LARP7: variants seen among roughly 807,000 people sequenced by gnomAD.
LARP7 encodes the protein La ribonucleoprotein 7, transcriptional regulator, also known as la-related protein 7.
LARP7 carries 52 observed loss-of-function variants against 69.3 expected under a neutral mutation model. The ratio of observed to expected loss-of-function variants is 0.75; its 90% CI spans 0.60 to 0.95. The LOEUF is 0.95. Ranked by LOEUF, LARP7 falls within the 40% of genes least tolerant of loss-of-function variation. The pLI, the probability that LARP7 is intolerant of heterozygous loss-of-function variation, is 0.00. For missense variants in LARP7, 733 were observed against 673.0 expected, an observed-to-expected ratio of 1.09 and a Z score of -0.99; for synonymous variants, 254 against 215.9, an observed-to-expected ratio of 1.18 and a Z score of -1.55.
chr4:112,654,051 C>A lies in LARP7; in HGVS notation c.1577-17C>A, dbSNP rs1560952116. On this transcript the variant is annotated splice_polypyrimidine_tract_variant and intron_variant, in intron 11 of 12. Coordinates refer to ENST00000344442, the MANE Select transcript of LARP7 (RefSeq NM_016648.4). ...TGTTCTTCTTTTCATCCATCAGAGT[C>A]TTTGTTTGTTTTTAAGGTGATCACG... 1 of 1,586,696 alleles carries A rather than the reference C, an allele frequency of 6.3e-7. No individual in the cohort carries two copies. Among genetic ancestry groups the A allele is most frequent in the Non-Finnish European group, 8.6e-7 (1 of 1,156,242 alleles).
At chr4:112,650,036 T>C (rs2048644912) in intron 9 of LARP7, 1 of 187,420 alleles carries the variant, frequency 5.3e-6, no homozygotes, top group Non-Finnish European at 1.1e-5. Context: ...AGGAACAAGT[T>C]AAAGCAGAAT....
chr4:112,640,095 C>T (rs888673749), intron 1 of LARP7, among the ~76,000 whole-genome samples: 2 of 152,090 alleles, frequency 1.3e-5, no homozygotes, highest in African/African-American at 2.4e-5. Flanking sequence ...TGGGCCACCA[C>T]ACCCAGATAA....
In LARP7 at chr4:112,647,799, G is replaced by A; in HGVS notation, c.1107G>A (p.Met369Ile). 1.3e-6 allele frequency: 2 copies of A among 1,587,474 alleles called. No individual in the cohort carries two copies. Among genetic ancestry groups the A allele is most frequent in the Non-Finnish European group, 1.7e-6 (2 of 1,165,966 alleles). Reference protein sequence around the residue: ...HKKKHKERHKMGEEVIPLRVL... With the variant: ...HKKKHKERHKIGEEVIPLRVL... ...AAAAACATAAAGAGAGACATAAAAT[G>A]GGAGAAGAAGTTATACCATTAAGAG... The change falls in exon 8 of 13, where the codon ATG becomes ATA. Residue 369 changes from methionine to isoleucine, a missense_variant. Coordinates refer to ENST00000344442, the MANE Select transcript of LARP7 (RefSeq NM_016648.4).
chr4:112,653,814 G>T (rs570645618), intron 11 of LARP7, among the ~76,000 whole-genome samples: 1 of 152,224 alleles, frequency 6.6e-6, no homozygotes, highest in South Asian at 2.1e-4. Context: ...GTAGAGAAGG[G>T]GCTTTGCCTT....
chr4:112,657,228 T>C lies in LARP7; in HGVS notation c.1669-19T>C. On this transcript the variant is annotated intron_variant, in intron 12 of 12. Transcript: ENST00000344442. The stretch of plus-strand genomic sequence containing the variant: ...TTGAGTATCCAATACATTTTAATTT[T>C]TGATTTATTTCTCTTTAGTTAATCA... The C allele has an allele frequency of 7.0e-7, 1 of 1,431,078 alleles. No individual in the cohort carries two copies. Among genetic ancestry groups the C allele is most frequent in the South Asian group, 1.3e-5 (1 of 79,000 alleles). The allele number at this position is 1,431,078 out of a possible 1,614,324, so 88.6% of individuals were successfully genotyped here. A position where few individuals can be genotyped will look rare whatever the true frequency, so the allele number is the denominator to read the frequency against.
intron 7 of LARP7, 38 bp from the exon 8 acceptor site, chr4:112,647,652 C>T: frequency 1.3e-6 from 2 of 1,504,256 alleles, no homozygotes; most frequent in Non-Finnish European, 1.8e-6. Flanking sequence ...ATTTCACAGC[C>T]CCATGTCTTA....
At chr4:112,649,969 G>T (rs562907653) in intron 9 of LARP7, 16 of 212,536 alleles carry the variant, frequency 7.5e-5, no homozygotes, top group Non-Finnish European at 1.4e-4. Flanking sequence ...AAGTTTGTAG[G>T]AATGAAGATT....
chr4:112,646,702 A>G, intron 4 of LARP7, 31 bp downstream of exon 4: 2 of 1,560,636 alleles, frequency 1.3e-6, no homozygotes, highest in Non-Finnish European at 1.7e-6. Context: ...CCCCAGTCAG[A>G]AACTGGCACA....
At position 112,647,026 on chromosome 4, in the gene LARP7, C is replaced by A. The variant is rs1560931447; in HGVS notation, c.553-8C>A. The A allele has an allele frequency of 1.3e-6, 2 of 1,592,906 alleles. No homozygotes were observed. The highest frequency in any genetic ancestry group is 2.2e-5 in the East Asian group (1 of 44,758). On this transcript the variant is annotated splice_polypyrimidine_tract_variant and splice_region_variant and intron_variant, in intron 5 of 12. Transcript: ENST00000344442. ...GTATTAAAATAGTAACTTTTGCAATCATTTCAGTTTCTTAACAACCCACCA... is the reference window on the plus strand; with the variant it reads ...GTATTAAAATAGTAACTTTTGCAATAATTTCAGTTTCTTAACAACCCACCA...
intron 12 of LARP7, 65 bp from the exon 13 acceptor site, chr4:112,657,170 TTGTGTGTGTGTG>T: frequency 5.8e-6 from 3 of 515,828 alleles, no homozygotes; most frequent in East Asian, 3.9e-5. Context: ...AGTCATAGTT[TTGTGTGTGTGTG>T]TGTGTGTGTG....
In LARP7 at chr4:112,649,538, C is replaced by A; in HGVS notation, c.1146C>A (p.Ser382Arg). The A allele has an allele frequency of 6.3e-7, 1 of 1,591,692 alleles. No individual in the cohort carries two copies. Among genetic ancestry groups the A allele is most frequent in the Non-Finnish European group, 8.5e-7 (1 of 1,170,192 alleles). The change falls in exon 9 of 13, where the codon AGC becomes AGA. Residue 382 changes from serine (S) to arginine (R), a missense_variant. Physicochemically the swap from Ser to Arg is moderately radical, Grantham distance 110. Coordinates refer to ENST00000344442, the MANE Select transcript of LARP7 (RefSeq NM_016648.4). ...EVIPLRVLSK[S>R]EWMDLKKEYL... ...ATCACCATTTCTTTCCTTGTAGGAG[C>A]GAATGGATGGATTTGAAAAAAGAGT...
In LARP7 at chr4:112,647,690, A is replaced by G. The variant is rs2048382522; in HGVS notation, c.998A>G (p.Asp333Gly). Residue 333 changes from aspartate (D) to glycine (G), a missense_variant and splice_region_variant, in exon 8 of 13, where the codon GAT (aspartate) becomes GGT (glycine). By Grantham distance (94) the Asp-to-Gly change is moderately conservative. Coordinates refer to ENST00000344442, the MANE Select transcript of LARP7 (RefSeq NM_016648.4). ...EASEASKENR[D>G]IEISTEEEKD... ...GGAGAGCTTTTTTATTTATTTCAAGATATAGAAATCTCTACTGAAGAGGAA... is the reference window on the plus strand; with the variant it reads ...GGAGAGCTTTTTTATTTATTTCAAGGTATAGAAATCTCTACTGAAGAGGAA... The G allele has an allele frequency of 6.6e-7, 1 of 1,518,686 alleles. No homozygotes were observed. The highest frequency in any genetic ancestry group is 1.4e-5 in the African/African-American group (1 of 71,694). The allele number at this position is 1,518,686 out of a possible 1,614,324, so 94.1% of individuals were successfully genotyped here.
chr4:112,647,375 A>G lies in LARP7; in HGVS notation c.823A>G (p.Lys275Glu). The G allele has an allele frequency of 6.2e-7, 1 of 1,614,108 alleles. No individual in the cohort carries two copies. The highest frequency in any genetic ancestry group is 8.5e-7 in the Non-Finnish European group (1 of 1,180,016). The change falls in exon 7 of 13, where the codon AAA (lysine) becomes GAA (glutamate). Residue 275 changes from lysine to glutamate, a missense_variant. Lys to Glu is a moderately conservative substitution (Grantham distance 56). Coordinates refer to ENST00000344442, the MANE Select transcript of LARP7 (RefSeq NM_016648.4). ...STEPQKQCSK[K>E]KKKRDRVEAS... ...TGAACCCCAAAAGCAGTGCTCAAAG[A>G]AAAAGAAAAAACGGGACAGAGTTGA...
chr4:112,647,240 A>T lies in LARP7; in HGVS notation c.688A>T (p.Lys230Ter), dbSNP rs1478736655. 1 of 1,599,596 alleles carries T rather than the reference A, an allele frequency of 6.3e-7. No homozygotes were observed. Among genetic ancestry groups the T allele is most frequent in the East Asian group, 2.2e-5 (1 of 44,806 alleles). Residue 230 changes from lysine to a stop codon, truncating the protein, a stop_gained, in exon 7 of 13, where the codon AAG becomes TAG. Coordinates refer to ENST00000344442, the MANE Select transcript of LARP7 (RefSeq NM_016648.4). LOFTEE classifies it high-confidence loss of function. ...KKKKKKGRMKKEDNIQAKEEN... is the reference protein window; with the variant it reads ...KKKKKKGRMK ...AAAGAAGAAGAAAGGCCGAATGAAA[A>T]AGGAAGACAATATCCAAGCCAAAGA...
chr4:112,644,276 G>C (rs2048074980), intron 1 of LARP7: 1 of 283,384 alleles, frequency 3.5e-6, no homozygotes, highest in Non-Finnish European at 6.4e-6. Context: ...AACTTCTCTG[G>C]GGTGGGGCGG....
In LARP7 at chr4:112,644,682, A is replaced by C. The variant is rs757343808; in HGVS notation, c.13A>C (p.Ser5Arg). 6 of 1,602,934 alleles carry C rather than the reference A, an allele frequency of 3.7e-6. No individual in the cohort carries two copies. The highest frequency in any genetic ancestry group is 4.3e-6 in the Non-Finnish European group (5 of 1,173,980). The change falls in exon 2 of 13, where the codon AGT becomes CGT. Residue 5 changes from serine (S) to arginine (R), a missense_variant. Physicochemically the swap from Ser to Arg is moderately radical, Grantham distance 110. Transcript: ENST00000344442. ...GTAATTCACAGGAATGGAAACTGAA[A>C]GTGGAAATCAGGAAAAGGTAATGGA... is the stretch of plus-strand genomic sequence containing the variant. METE[S>R]GNQEKVMEEE...
chr4:112,641,584 A>C (rs1291667833), intron 1 of LARP7, among the ~76,000 whole-genome samples: 2 of 152,224 alleles, frequency 1.3e-5, no homozygotes, highest in Non-Finnish European at 2.9e-5. Context: ...CTTATGATGG[A>C]GGAAATGAGA....
Position 112,653,216 on chromosome 4 carries a change from G to A in LARP7, c.1556G>A (p.Trp519Ter). The A allele has an allele frequency of 1.3e-6, 2 of 1,585,610 alleles. No individual in the cohort carries two copies. Among genetic ancestry groups the A allele is most frequent in the Non-Finnish European group, 1.7e-6 (2 of 1,170,656 alleles). ...AYTEINKKHCWKLEILSGDHE... is the reference protein window; with the variant it reads ...AYTEINKKHC Reference sequence around the variant, plus strand: ...ACAGAAATTAACAAGAAACACTGCTGGAAACTCGAGATCCTTTCTGGTAAA... The same window carrying A: ...ACAGAAATTAACAAGAAACACTGCTAGAAACTCGAGATCCTTTCTGGTAAA... The change falls in exon 11 of 13, where the codon TGG (tryptophan) becomes TAG (stop). Residue 519 changes from tryptophan to a stop codon, truncating the protein, a stop_gained. Coordinates refer to ENST00000344442, the MANE Select transcript of LARP7 (RefSeq NM_016648.4). LOFTEE classifies it high-confidence loss of function.
intron 1 of LARP7, among the ~76,000 whole-genome samples, chr4:112,639,068 T>G (rs2047846521): frequency 6.6e-6 from 1 of 152,216 alleles, no homozygotes; most frequent in Admixed American, 6.5e-5. Flanking sequence ...CCAAGTCACT[T>G]AAACCTTTTT....
Sources: allele counts gnomAD v4.1 joint callset (sites outside exome capture counted in the v4.1 genomes callset), GRCh38; gene constraint gnomAD v4.1.1; transcripts MANE v1.5; gene names NCBI Gene and HGNC (gene_info 2026-07-23, HGNC 2026-07-21).